Variants in BCAS3 observed in about 807,000 individuals in gnomAD.
BCAS3 encodes BCAS4/BCAS3 fusion.
Under a neutral mutation model 116.1 loss-of-function variants are expected in BCAS3, and 53 were observed. That is an observed-to-expected ratio of 0.46 (90% CI 0.37 to 0.57). The LOEUF (loss-of-function observed/expected upper bound fraction) is 0.57. BCAS3 is among the 20% of genes least tolerant of loss of function. The pLI is 0.00. For synonymous variants in BCAS3, 391 were observed against 408.2 expected, an observed-to-expected ratio of 0.96 and a Z score of 0.51; for missense variants, 917 against 1,165.4, an observed-to-expected ratio of 0.79 and a Z score of 3.10.
At chr17:60,773,928 T>C (rs1267558718) in intron 6 of BCAS3, among the ~76,000 whole-genome samples, 1 of 152,258 alleles carries the variant, frequency 6.6e-6, no homozygotes, top group Non-Finnish European at 1.5e-5. Context: ...TTTACAGGTG[T>C]GAGCCACTTT....
At position 60,767,627 on chromosome 17, in the gene BCAS3, G is replaced by A. The variant is rs193025196; in HGVS notation, c.403+20348G>A. ...CTCCCAAAGTGCTGGGATTACAGATGTGAGCCACTGTGCCCAGCCATGAAT... is the reference window on the plus strand; with the variant it reads ...CTCCCAAAGTGCTGGGATTACAGATATGAGCCACTGTGCCCAGCCATGAAT... On this transcript the variant is annotated intron_variant, in intron 6 of 23. Transcript: ENST00000407086. Among the ~76,000 whole-genome samples the A allele has an allele frequency of 3.5e-3, 526 of 152,190 alleles. 13 individuals are homozygous for A. The South Asian group carries it at 0.047, about 14-fold the overall frequency.
chr17:61,260,362 A>G (rs757366905), intron 22 of BCAS3, among the ~76,000 whole-genome samples: 8 of 152,248 alleles, frequency 5.3e-5, no homozygotes, highest in Non-Finnish European at 8.8e-5. Flanking sequence ...CTTAAGTAAA[A>G]AAATATTCAT....
intron 22 of BCAS3, among the ~76,000 whole-genome samples, chr17:61,183,439 A>G (rs1601776990): frequency 6.6e-6 from 1 of 152,078 alleles, no homozygotes; most frequent in Admixed American, 6.5e-5. Context: ...TAATTAAACT[A>G]TATTTTAATT....
chr17:60,849,663 G>A (rs1289872614), intron 7 of BCAS3, among the ~76,000 whole-genome samples: 2 of 152,088 alleles, frequency 1.3e-5, no homozygotes, highest in African/African-American at 2.4e-5. Context: ...ATATCAGGCC[G>A]GGCACAGTGG....
At chr17:61,340,573 C>G (rs2057072772) in intron 22 of BCAS3, among the ~76,000 whole-genome samples, 1 of 152,162 alleles carries the variant, frequency 6.6e-6, no homozygotes, top group Non-Finnish European at 1.5e-5. Flanking sequence ...ATCATCAGGT[C>G]AGGCTCAGAC....
At chr17:60,881,774 C>T (rs1430493119) in intron 9 of BCAS3, among the ~76,000 whole-genome samples, 1 of 150,804 alleles carries the variant, frequency 6.6e-6, no homozygotes, top group Non-Finnish European at 1.5e-5. Flanking sequence ...ATGAACTCAT[C>T]ATTTTTTATG....
chr17:60,860,554 G>A (rs1366535380), intron 7 of BCAS3, among the ~76,000 whole-genome samples: 1 of 152,078 alleles, frequency 6.6e-6, no homozygotes. Flanking sequence ...TCTTTGCCAG[G>A]GCATGTGTCC....
chr17:60,989,687 G>A (rs1403592616), intron 14 of BCAS3, among the ~76,000 whole-genome samples: 1 of 152,028 alleles, frequency 6.6e-6, no homozygotes, highest in African/African-American at 2.4e-5. Context: ...TGTGTGTGTT[G>A]GGGGGCAAAG....
rs1032480213 is a variant in BCAS3, at chr17:61,028,674, C to G, written c.1638-5992C>G. On this transcript the variant is annotated intron_variant, in intron 16 of 23. Coordinates refer to ENST00000407086, the MANE Select transcript of BCAS3 (RefSeq NM_017679.5). The surrounding 1 kb of genome is among the most constrained non-coding windows in gnomAD (Gnocchi z 4.3). ...TGCTCCTCACATTTAAGCAAAAGCACTTGTCAACCAGAAATGATTTGAGGT... is the reference window on the plus strand; with the variant it reads ...TGCTCCTCACATTTAAGCAAAAGCAGTTGTCAACCAGAAATGATTTGAGGT... Among the ~76,000 whole-genome samples the G allele has an allele frequency of 6.6e-6, 1 of 151,852 alleles. No homozygotes were observed. Among genetic ancestry groups the G allele is most frequent in the Non-Finnish European group, 1.5e-5 (1 of 67,808 alleles).
intron 22 of BCAS3, among the ~76,000 whole-genome samples, chr17:61,168,889 T>G (rs952707002): frequency 1.3e-5 from 2 of 152,192 alleles, no homozygotes; most frequent in South Asian, 2.1e-4. Flanking sequence ...TAGAGTAGTA[T>G]AAACTGATTT....
In BCAS3 at chr17:61,332,927, T is replaced by TA. The variant is rs1414941611; in HGVS notation, c.2426-35395dup. On this transcript the variant is annotated intron_variant, in intron 22 of 23. Coordinates refer to ENST00000407086, the MANE Select transcript of BCAS3 (RefSeq NM_017679.5). The surrounding 1 kb of genome is among the most constrained non-coding windows in gnomAD (Gnocchi z 5.4). ...CATGGCACCCGGCCTATCCCCATCTTAAAAAGGAGGCAGCTAAGGCTCAGA... is the reference window on the plus strand; with the variant it reads ...CATGGCACCCGGCCTATCCCCATCTTAAAAAAGGAGGCAGCTAAGGCTCAGA... Among the ~76,000 whole-genome samples the TA allele has an allele frequency of 6.6e-6, 1 of 152,204 alleles. No homozygotes were observed. The highest frequency in any genetic ancestry group is 2.4e-5 in the African/African-American group (1 of 41,456).
intron 9 of BCAS3, among the ~76,000 whole-genome samples, chr17:60,875,770 G>C (rs1177590994): frequency 6.6e-6 from 1 of 151,780 alleles, no homozygotes. Flanking sequence ...TAAATTTCTA[G>C]TGCCACAGAC....
chr17:60,922,360 C>T (rs891158102), intron 12 of BCAS3, among the ~76,000 whole-genome samples: 4 of 152,058 alleles, frequency 2.6e-5, no homozygotes, highest in Non-Finnish European at 5.9e-5. Flanking sequence ...CTCCTGACCT[C>T]GTGATCCCCC....
chr17:60,753,296 C>T (rs573857181), intron 6 of BCAS3, among the ~76,000 whole-genome samples: 3 of 151,842 alleles, frequency 2.0e-5, no homozygotes, highest in Admixed American at 2.0e-4. Flanking sequence ...TAAGAAAATC[C>T]TTCTGTATTT....
intron 13 of BCAS3, among the ~76,000 whole-genome samples, chr17:60,934,479 G>A (rs1431657296): frequency 6.6e-6 from 1 of 152,146 alleles, no homozygotes; most frequent in African/African-American, 2.4e-5. Flanking sequence ...ATTTAATTTT[G>A]CAAAAGGTAA....
chr17:60,683,531 TTTTTTTTTTTTTTG>T (rs2033539966), intron 2 of BCAS3, among the ~76,000 whole-genome samples: 2 of 130,708 alleles, frequency 1.5e-5, no homozygotes, highest in African/African-American at 3.2e-5. Flanking sequence ...TTTTTTTTTT[TTTTTTTTTTTTTTG>T]CCTTTTTTGA....
intron 13 of BCAS3, among the ~76,000 whole-genome samples, chr17:60,942,015 C>T (rs975388101): frequency 6.6e-6 from 1 of 152,068 alleles, no homozygotes; most frequent in Admixed American, 6.5e-5. Flanking sequence ...GAGGTGGAGT[C>T]AGAAGATAGT....
intron 22 of BCAS3, among the ~76,000 whole-genome samples, chr17:61,317,997 G>A (rs936402590): frequency 3.9e-5 from 6 of 152,202 alleles, no homozygotes; most frequent in East Asian, 1.9e-4. Flanking sequence ...GGCGTAACGC[G>A]TAGGACCAAC....
chr17:61,190,387 C>T (rs188922872), intron 22 of BCAS3, among the ~76,000 whole-genome samples: 41 of 151,580 alleles, frequency 2.7e-4, no homozygotes, highest in African/African-American at 8.7e-4. Flanking sequence ...ATTAGCTGGG[C>T]GCAGTTGTGT....
Sources: gnomAD v4.1 joint callset for allele counts (sites outside exome capture counted in the v4.1 genomes callset) on GRCh38, gnomAD v4.1.1 for gene constraint, Gnocchi (gnomAD v3.1) non-coding constraint, MANE v1.5 for transcripts, NCBI Gene and HGNC (gene_info 2026-07-23, HGNC 2026-07-21) for gene names.